Variants in PROS1 observed in about 807,000 individuals in gnomAD.
PROS1 encodes the protein vitamin K-dependent protein S.
Under a neutral mutation model 75.9 loss-of-function variants are expected in PROS1, and 29 were observed. The observed-to-expected ratio is 0.38, with a 90% CI of 0.28 to 0.52. The LOEUF is 0.52. Ranked by LOEUF, PROS1 falls within the 20% of genes least tolerant of loss-of-function variation. The probability of loss-of-function intolerance (pLI) is 0.83; values close to 1 mark genes in which losing one functional copy is unlikely to be tolerated. For missense variants in PROS1, 680 were observed against 810.3 expected, an observed-to-expected ratio of 0.84 and a Z score of 1.95; for synonymous variants, 245 against 280.6, an observed-to-expected ratio of 0.87 and a Z score of 1.27.
Position 93,900,804 on chromosome 3 carries a change from C to G in PROS1, c.727G>C (p.Asp243His). ...AGTAATGATACCACCATCATCCTACCTTCACAAGACTTTGATTTGAGATTA... is the reference window on the plus strand; with the variant it reads ...AGTAATGATACCACCATCATCCTACGTTCACAAGACTTTGATTTGAGATTA... ...RYNLKSKSCE[D>H]IDECSENMCA... Residue 243 changes from aspartate to histidine, a missense_variant and splice_region_variant, in exon 7 of 15, where the codon GAT becomes CAT. Coordinates refer to ENST00000394236, the MANE Select transcript of PROS1 (RefSeq NM_000313.4). 6.2e-7 allele frequency: 1 copy of G among 1,612,588 alleles called. No individual in the cohort carries two copies. Among genetic ancestry groups the G allele is most frequent in the South Asian group, 1.1e-5 (1 of 91,020 alleles).
intron 12 of PROS1, among the ~76,000 whole-genome samples, chr3:93,883,265 C>A (rs1304088338): frequency 6.6e-6 from 1 of 152,010 alleles, no homozygotes; most frequent in Non-Finnish European, 1.5e-5. Context: ...TTTCTTGAGG[C>A]GTATTATGGA....
intron 1 of PROS1, among the ~76,000 whole-genome samples, chr3:93,964,108 G>A (rs2107264800): frequency 1.3e-5 from 2 of 152,062 alleles, no homozygotes; most frequent in South Asian, 4.2e-4. Context: ...ATCACCTCAG[G>A]GCCACTATGA....
chr3:93,957,748 A>C (rs561977865), intron 1 of PROS1, among the ~76,000 whole-genome samples: 1 of 152,318 alleles, frequency 6.6e-6, no homozygotes, highest in Admixed American at 6.5e-5. Context: ...AGGATGCTCA[A>C]ATCACTTATT....
chr3:93,948,882 T>C (rs1709447271), intron 1 of PROS1, among the ~76,000 whole-genome samples: 1 of 152,236 alleles, frequency 6.6e-6, no homozygotes, highest in Non-Finnish European at 1.5e-5. Context: ...ATTTCTCTTA[T>C]TCATTTCTTC....
intron 3 of PROS1, among the ~76,000 whole-genome samples, chr3:93,915,375 A>C (rs1708829503): frequency 6.6e-6 from 1 of 152,178 alleles, no homozygotes; most frequent in African/African-American, 2.4e-5. Context: ...CTGAGGTACA[A>C]GAACTGCTTG....
intron 1 of PROS1, among the ~76,000 whole-genome samples, chr3:93,940,835 T>G (rs988798792): frequency 2.0e-5 from 3 of 152,124 alleles, no homozygotes; most frequent in African/African-American, 7.2e-5. Context: ...TTATAAACTC[T>G]CCTTACAATT....
chr3:93,931,071 T>A (rs1209799482), intron 1 of PROS1, among the ~76,000 whole-genome samples: 1 of 152,264 alleles, frequency 6.6e-6, no homozygotes, highest in Non-Finnish European at 1.5e-5. Context: ...TACATTGGTA[T>A]GATACATAAC....
chr3:93,892,803 G>C (rs976022320), intron 10 of PROS1, 130 bp downstream of exon 10: 1 of 800,342 alleles, frequency 1.2e-6, no homozygotes, highest in Non-Finnish European at 2.2e-6. Flanking sequence ...TTTACAGTAT[G>C]TAGAATATAC....
At chr3:93,922,784 T>C (rs887583414) in intron 3 of PROS1, among the ~76,000 whole-genome samples, 15 of 152,184 alleles carry the variant, frequency 9.9e-5, no homozygotes, top group Admixed American at 2.0e-4. Flanking sequence ...TTTTAAAAAT[T>C]GTTTTTAACA....
chr3:93,905,442 A>C (rs1708658059), intron 6 of PROS1, among the ~76,000 whole-genome samples: 1 of 152,122 alleles, frequency 6.6e-6, no homozygotes, highest in South Asian at 2.1e-4. Context: ...CTCTACAAAA[A>C]ATACAAAACA....
intron 1 of PROS1, among the ~76,000 whole-genome samples, chr3:93,963,570 C>A (rs1479396646): frequency 6.6e-6 from 1 of 152,160 alleles, no homozygotes; most frequent in Non-Finnish European, 1.5e-5. Context: ...AATAGGATCA[C>A]CATTCTGCAG....
intron 1 of PROS1, among the ~76,000 whole-genome samples, chr3:93,930,602 C>G (rs1709092697): frequency 6.6e-6 from 1 of 152,122 alleles, no homozygotes. Context: ...GTATGGGCCC[C>G]AACTAAAGGG....
At chr3:93,880,310 G>A (rs574843160) in intron 12 of PROS1, among the ~76,000 whole-genome samples, 2 of 152,050 alleles carry the variant, frequency 1.3e-5, no homozygotes, top group South Asian at 4.2e-4. Flanking sequence ...ACCAGCCTGG[G>A]CAACATGGTG....
chr3:93,938,627 C>CCCTTCAATCTCCCTCTCTCGCTAT (rs1460681464), intron 1 of PROS1, among the ~76,000 whole-genome samples: 1 of 152,206 alleles, frequency 6.6e-6, no homozygotes, highest in Admixed American at 6.5e-5. Flanking sequence ...TCTCTTGCTA[C>CCCTTCAATCTCCCTCTCTCGCTAT]CCTTCAATCT....
intron 1 of PROS1, among the ~76,000 whole-genome samples, chr3:93,963,875 C>T (rs1357381126): frequency 6.6e-6 from 1 of 152,180 alleles, no homozygotes; most frequent in Admixed American, 6.5e-5. Flanking sequence ...TGCCTTCCCT[C>T]CCCTCCCCTT....
chr3:93,877,312 G>A (rs1708206134), intron 13 of PROS1, 121 bp from the exon 14 acceptor site: 2 of 657,438 alleles, frequency 3.0e-6, no homozygotes, highest in South Asian at 2.0e-5. Context: ...ATGTATGATA[G>A]AGCCTCTAAA....
At chr3:93,954,735 T>C (rs1317203119) in intron 1 of PROS1, among the ~76,000 whole-genome samples, 1 of 152,146 alleles carries the variant, frequency 6.6e-6, no homozygotes, top group Non-Finnish European at 1.5e-5. Flanking sequence ...TGGGATCTAA[T>C]TAAACTAAAG....
Position 93,956,563 on chromosome 3 carries a change from A to AAACAC in PROS1, c.76+17110_76+17111insGTGTT, listed in dbSNP as rs1709606627. Among the ~76,000 whole-genome samples, 963 of 128,358 alleles carry AAACAC rather than the reference A, an allele frequency of 7.5e-3. 14 individuals carry two copies. Among genetic ancestry groups the AAACAC allele is most frequent in the Admixed American group, 0.012 (148 of 12,716 alleles). The allele number at this position is 128,358 out of a possible 152,430, so 84.2% of individuals were successfully genotyped here. ...ACACACACACACACACACACACACA[A>AAACAC]ACACACACACACACACACACACACA... On this transcript the variant is annotated intron_variant, in intron 1 of 14. Transcript: ENST00000394236.
chr3:93,910,540 G>C (rs575540206), intron 4 of PROS1, 79 bp downstream of exon 4: 8 of 1,178,630 alleles, frequency 6.8e-6, no homozygotes, highest in South Asian at 1.3e-5. Flanking sequence ...ATTTTTAAAC[G>C]TTAGTTTATA....
Sources: gnomAD v4.1 joint callset for allele counts (sites outside exome capture counted in the v4.1 genomes callset) on GRCh38, gnomAD v4.1.1 for gene constraint, MANE v1.5 for transcripts, NCBI Gene and HGNC (gene_info 2026-07-23, HGNC 2026-07-21) for gene names.